The following TENM3 variants were observed in gnomAD, a reference collection of about 807,000 sequenced individuals.
TENM3 encodes teneurin-3.
A neutral mutation model predicts 255.1 loss-of-function variants in TENM3; 63 were observed. That is an observed-to-expected ratio of 0.25 (90% CI 0.20 to 0.30). The LOEUF (loss-of-function observed/expected upper bound fraction) is 0.30, where lower values mean the gene tolerates loss of function less well. Ranked by LOEUF, TENM3 falls within the 10% of genes least tolerant of loss-of-function variation. TENM3 has a pLI of 1.00. For missense variants in TENM3, 2,929 were observed against 3,461.1 expected, an observed-to-expected ratio of 0.85 and a Z score of 3.86; for synonymous variants, 1,306 against 1,322.3, an observed-to-expected ratio of 0.99 and a Z score of 0.27.
intron 6 of TENM3, among the ~76,000 whole-genome samples, chr4:182,660,968 TA>T (rs777699140): frequency 8.5e-5 from 13 of 152,164 alleles, no homozygotes; most frequent in Non-Finnish European, 1.6e-4. Context: ...AAAGGGGCAG[TA>T]AGACACATGC....
At chr4:181,525,792 A>G in the TENM3 span, among the ~76,000 whole-genome samples, 2 of 152,196 alleles carry the variant, frequency 1.3e-5, no homozygotes, top group Admixed American at 6.5e-5. Context: ...CTTACCACAT[A>G]CTAATGAGGG....
the TENM3 span, among the ~76,000 whole-genome samples, chr4:181,767,251 C>CAAAA: frequency 1.0e-3 from 77 of 74,682 alleles, no homozygotes; most frequent in East Asian, 2.6e-3. Context: ...GACTCCGTCT[C>CAAAA]AAAAAAAAAA....
chr4:182,602,165 A>G (rs1041291164), intron 4 of TENM3, among the ~76,000 whole-genome samples: 8 of 152,162 alleles, frequency 5.3e-5, no homozygotes, highest in African/African-American at 1.9e-4. Flanking sequence ...GTGGTGTCTT[A>G]CCTTATTGGT....
At chr4:182,390,946 A>G (rs964291973) in intron 3 of TENM3, among the ~76,000 whole-genome samples, 2 of 152,140 alleles carry the variant, frequency 1.3e-5, no homozygotes, top group African/African-American at 4.8e-5. Context: ...GCCCAACACA[A>G]TCGTGCACAT....
chr4:182,570,839 A>C (rs1744285425), intron 3 of TENM3, among the ~76,000 whole-genome samples: 1 of 151,736 alleles, frequency 6.6e-6, no homozygotes. Flanking sequence ...CAAAAAAAAA[A>C]ACAAAACAAA....
chr4:181,493,782 T>C, the TENM3 span, among the ~76,000 whole-genome samples: 1 of 152,018 alleles, frequency 6.6e-6, no homozygotes, highest in Non-Finnish European at 1.5e-5. Flanking sequence ...TAGAGATAAG[T>C]TGTATTTGAT....
At chr4:181,751,790 A>G in the TENM3 span, among the ~76,000 whole-genome samples, 8 of 152,148 alleles carry the variant, frequency 5.3e-5, no homozygotes, top group African/African-American at 1.9e-4. Context: ...GGTATCACGC[A>G]TTGTTTGTGT....
At chr4:181,774,127 T>C in the TENM3 span, among the ~76,000 whole-genome samples, 2 of 97,496 alleles carry the variant, frequency 2.1e-5, no homozygotes, top group African/African-American at 9.3e-5. Flanking sequence ...TAATGTGTCA[T>C]CTAGCATTAG....
In TENM3 at chr4:182,688,148, C is replaced by T; in HGVS notation, c.2036-18C>T. The T allele has an allele frequency of 1.9e-6, 3 of 1,571,584 alleles. No individual in the cohort carries two copies. Among genetic ancestry groups the T allele is most frequent in the Non-Finnish European group, 2.6e-6 (3 of 1,154,092 alleles). On this transcript the variant is annotated intron_variant, in intron 11 of 27. Transcript: ENST00000511685. Reference sequence around the variant, plus strand: ...GCCACTCTTCTCTCCTGTTTTGTGTCCTCTTCCTCCCACATAGAAATATGT... The same window carrying T: ...GCCACTCTTCTCTCCTGTTTTGTGTTCTCTTCCTCCCACATAGAAATATGT...
intron 1 of TENM3, among the ~76,000 whole-genome samples, chr4:182,247,206 C>A (rs147530315): frequency 3.3e-5 from 5 of 152,246 alleles, no homozygotes; most frequent in African/African-American, 7.2e-5. Flanking sequence ...TCCTGAGGTG[C>A]TGCAGCAAGA....
chr4:181,612,490 ATGTGTGTGTG>A, the TENM3 span, among the ~76,000 whole-genome samples: 296 of 148,444 alleles, frequency 2.0e-3, 5 homozygotes, highest in East Asian at 0.042. Context: ...TTTGGTTAAG[ATGTGTGTGTG>A]TGTGTGTGTG....
the TENM3 span, among the ~76,000 whole-genome samples, chr4:181,566,061 C>A: frequency 6.6e-6 from 1 of 151,546 alleles, no homozygotes; most frequent in Admixed American, 6.6e-5. Flanking sequence ...TCCACAAAAA[C>A]CTAGTTTCCC....
chr4:181,670,084 A>G, the TENM3 span, among the ~76,000 whole-genome samples: 1 of 152,232 alleles, frequency 6.6e-6, no homozygotes, highest in African/African-American at 2.4e-5. Flanking sequence ...GAAAAAATGT[A>G]GAAGATAAAC....
chr4:181,781,825 T>G, the TENM3 span, among the ~76,000 whole-genome samples: 1 of 152,226 alleles, frequency 6.6e-6, no homozygotes, highest in Non-Finnish European at 1.5e-5. Flanking sequence ...ATTTTTAGCA[T>G]GAAGGGCTGT....
the TENM3 span, among the ~76,000 whole-genome samples, chr4:181,840,326 A>G: frequency 2.6e-5 from 4 of 152,108 alleles, no homozygotes; most frequent in South Asian, 6.2e-4. Flanking sequence ...CGAACATTTT[A>G]TGGGTCTAAA....
chr4:181,465,079 T>C, the TENM3 span, among the ~76,000 whole-genome samples: 1 of 152,246 alleles, frequency 6.6e-6, no homozygotes, highest in African/African-American at 2.4e-5. Flanking sequence ...TTAAGAGTTT[T>C]ATAGTTTTAA....
intron 1 of TENM3, among the ~76,000 whole-genome samples, chr4:182,277,362 G>T (rs549781458): frequency 1.3e-5 from 2 of 152,086 alleles, no homozygotes; most frequent in African/African-American, 4.8e-5. Flanking sequence ...GGGGGTTGTT[G>T]TTTTTTTAAT....
At chr4:182,332,748 C>T (rs1481286432) in intron 2 of TENM3, among the ~76,000 whole-genome samples, 1 of 149,878 alleles carries the variant, frequency 6.7e-6, no homozygotes, top group Admixed American at 6.6e-5. Flanking sequence ...AGTACAATGT[C>T]TGGAAAATAA....
At chr4:182,011,408 C>T in the TENM3 span, among the ~76,000 whole-genome samples, 24,840 of 152,020 alleles carry the variant, frequency 0.16, 2,323 homozygotes, top group Non-Finnish European at 0.22. Context: ...TTCATTTCTC[C>T]CTGTATCTCA....
Sources: gnomAD v4.1 joint callset for allele counts (sites outside exome capture counted in the v4.1 genomes callset) on GRCh38, gnomAD v4.1.1 for gene constraint, MANE v1.5 for transcripts, NCBI Gene and HGNC (gene_info 2026-07-23, HGNC 2026-07-21) for gene names.